Variants in SEMA4D observed in about 807,000 individuals in gnomAD.
SEMA4D encodes semaphorin 4D, also known as semaphorin-4D.
Under a neutral mutation model 74.8 loss-of-function variants are expected in SEMA4D, and 22 were observed. That is an observed-to-expected ratio of 0.29 (90% CI 0.21 to 0.42). The LOEUF (loss-of-function observed/expected upper bound fraction) is 0.42. Among genes scored for constraint, SEMA4D ranks in the 10% least tolerant of loss-of-function variants. The pLI is 1.00. For synonymous variants in SEMA4D, 445 were observed against 463.7 expected, an observed-to-expected ratio of 0.96 and a Z score of 0.52; for missense variants, 937 against 1,118.4, an observed-to-expected ratio of 0.84 and a Z score of 2.31.
intron 1 of SEMA4D, among the ~76,000 whole-genome samples, chr9:89,482,850 C>T (rs977657474): frequency 1.3e-4 from 20 of 152,140 alleles, no homozygotes; most frequent in African/African-American, 4.6e-4. Flanking sequence ...CCTTCATTTC[C>T]ACCGCGAGAC....
chr9:89,371,906 TGTGTGGTGTGTGGG>T (rs1564501435), intron 16 of SEMA4D, among the ~76,000 whole-genome samples: 13 of 40,562 alleles, frequency 3.2e-4, no homozygotes, highest in African/African-American at 1.0e-3. Flanking sequence ...GTGTGGTATG[TGTGTGGTGTGTGGG>T]GTGTGGTGTG....
downstream of SEMA4D, among the ~76,000 whole-genome samples, chr9:89,372,865 C>T (rs189035450): frequency 2.6e-4 from 39 of 152,220 alleles, no homozygotes; most frequent in Non-Finnish European, 5.3e-4. Flanking sequence ...AGGACCGTCC[C>T]ATCCTGCCCC....
chr9:89,453,807 C>A (rs1025854971), intron 2 of SEMA4D, among the ~76,000 whole-genome samples: 1 of 152,044 alleles, frequency 6.6e-6, no homozygotes, highest in Non-Finnish European at 1.5e-5. Context: ...GGAAAAGTCC[C>A]TTAAAAGTTA....
chr9:89,367,314 T>C (rs1203560203), intron 16 of SEMA4D: 2 of 152,282 alleles, frequency 1.3e-5, no homozygotes, highest in Non-Finnish European at 2.9e-5. Flanking sequence ...AGGCCCCCAG[T>C]GGGGAGCTGT....
At chr9:89,450,882 CCA>C in intron 2 of SEMA4D, 1 of 477,352 alleles carries the variant, frequency 2.1e-6, no homozygotes, top group South Asian at 4.0e-5. Flanking sequence ...TGCCGCCACC[CCA>C]GTTTTGCAAC....
chr9:89,477,315 CA>C (rs760900618), intron 1 of SEMA4D, among the ~76,000 whole-genome samples: 4 of 151,912 alleles, frequency 2.6e-5, no homozygotes, highest in East Asian at 1.9e-4. Flanking sequence ...TGCACCCCCC[CA>C]CACACACACA....
chr9:89,469,159 T>A (rs1400956249), intron 1 of SEMA4D, among the ~76,000 whole-genome samples: 2 of 142,998 alleles, frequency 1.4e-5, no homozygotes, highest in African/African-American at 5.0e-5. Context: ...AACAACTCCG[T>A]GCACAAAGAG....
intron 15 of SEMA4D, among the ~76,000 whole-genome samples, chr9:89,380,602 A>T (rs1019070539): frequency 6.6e-6 from 1 of 152,182 alleles, no homozygotes; most frequent in Admixed American, 6.5e-5. Context: ...GCTGCTGGGG[A>T]AGGGGCATCT....
In SEMA4D at chr9:89,484,975, T is replaced by C. The variant is rs1825058062; in HGVS notation, c.-310+12944A>G. On this transcript the variant is annotated intron_variant, in intron 1 of 15. Coordinates refer to ENST00000422704, the MANE Select transcript of SEMA4D (RefSeq NM_001371194.2). This position sits in a 1 kb window ranked among gnomAD's most constrained non-coding sequence, Gnocchi z 4.1. ...GTACTGGGTGGGTGGTGGAGGCATA[T>C]GTGTGTAGTATGTTGTGTGTGTGTG... is the stretch of plus-strand genomic sequence containing the variant. 7.1e-6 allele frequency among the ~76,000 whole-genome samples: 1 copy of C among 139,936 alleles called. No individual in the cohort carries two copies. The highest frequency in any genetic ancestry group is 2.5e-5 in the African/African-American group (1 of 39,334). The allele number at this position is 139,936 out of a possible 152,430, so 91.8% of individuals were successfully genotyped here.
chr9:89,453,361 T>C (rs1855092036), intron 2 of SEMA4D, among the ~76,000 whole-genome samples: 2 of 152,220 alleles, frequency 1.3e-5, no homozygotes, highest in African/African-American at 4.8e-5. Flanking sequence ...GTGTAAGAGT[T>C]TGGGTCTAAG....
chr9:89,414,503 C>A (rs1265945514), intron 2 of SEMA4D, among the ~76,000 whole-genome samples: 2 of 152,180 alleles, frequency 1.3e-5, no homozygotes, highest in African/African-American at 4.8e-5. Context: ...CCATGCCCTG[C>A]CAGTACCTGG....
At chr9:89,420,092 T>G (rs145365676) in intron 2 of SEMA4D, among the ~76,000 whole-genome samples, 81 of 152,296 alleles carry the variant, frequency 5.3e-4, no homozygotes, top group African/African-American at 1.9e-3. Context: ...TCATCTCAAT[T>G]GCCTCCAACA....
chr9:89,443,965 G>A (rs1022189779), intron 2 of SEMA4D, among the ~76,000 whole-genome samples: 1 of 152,182 alleles, frequency 6.6e-6, no homozygotes, highest in African/African-American at 2.4e-5. Flanking sequence ...GCAGTGACAC[G>A]GTCACCCCAC....
Position 89,421,045 on chromosome 9 carries a change from C to A in SEMA4D, c.-243-15346G>T, listed in dbSNP as rs140846166. Among the ~76,000 whole-genome samples the A allele has an allele frequency of 2.4e-3, 372 of 152,334 alleles. 2 individuals carry two copies. The highest frequency in any genetic ancestry group is 8.2e-3 in the African/African-American group (339 of 41,570). ...GTGCAGCTATTAGCACATCTAACAA[C>A]CCCTACTGCCAGGGACTGTGGGCTC... On this transcript the variant is annotated intron_variant, in intron 2 of 15. Coordinates refer to ENST00000422704, the MANE Select transcript of SEMA4D (RefSeq NM_001371194.2).
At chr9:89,407,271 G>C (rs1387693083) in intron 2 of SEMA4D, among the ~76,000 whole-genome samples, 2 of 151,994 alleles carry the variant, frequency 1.3e-5, no homozygotes, top group Non-Finnish European at 2.9e-5. Context: ...TTCCAGGAAA[G>C]CTCTTTAAAG....
At chr9:89,490,667 TTAGGA>T (rs1269340890) in intron 1 of SEMA4D, among the ~76,000 whole-genome samples, 1 of 152,226 alleles carries the variant, frequency 6.6e-6, no homozygotes, top group Non-Finnish European at 1.5e-5. Flanking sequence ...CATTTTTGAC[TTAGGA>T]TATCTTCAAC....
chr9:89,474,281 GC>G (rs1290366796), intron 1 of SEMA4D, among the ~76,000 whole-genome samples: 1 of 152,204 alleles, frequency 6.6e-6, no homozygotes, highest in Admixed American at 6.5e-5. Context: ...TGCATCGCAA[GC>G]ATTTTAGCCA....
intron 2 of SEMA4D, among the ~76,000 whole-genome samples, chr9:89,419,584 G>T (rs1340802755): frequency 1.3e-5 from 2 of 152,126 alleles, no homozygotes; most frequent in East Asian, 3.9e-4. Flanking sequence ...TAAATAAGAG[G>T]CTTAGGTAAA....
chr9:89,367,437 G>C (rs543430208), intron 16 of SEMA4D: 1 of 152,294 alleles, frequency 6.6e-6, no homozygotes, highest in African/African-American at 2.4e-5. Context: ...GCCAGGCTGG[G>C]GTGCTACTCC....
Sources: allele counts gnomAD v4.1 joint callset (sites outside exome capture counted in the v4.1 genomes callset), GRCh38; gene constraint gnomAD v4.1.1; non-coding constraint Gnocchi (gnomAD v3.1); transcripts MANE v1.5; gene names NCBI Gene and HGNC (gene_info 2026-07-23, HGNC 2026-07-21).